Variants in CDYL observed in about 807,000 individuals in gnomAD.
CDYL encodes the protein chromodomain Y-like protein.
In CDYL, 8 loss-of-function variants were observed where a neutral mutation model predicts 47.3. The observed-to-expected ratio is 0.17, with a 90% CI of 0.10 to 0.31. The LOEUF (loss-of-function observed/expected upper bound fraction) is 0.31. Among genes scored for constraint, CDYL ranks in the 10% least tolerant of loss-of-function variants. The pLI is 1.00. For synonymous variants in CDYL, 266 were observed against 265.0 expected, an observed-to-expected ratio of 1.00 and a Z score of -0.04; for missense variants, 471 against 701.4, an observed-to-expected ratio of 0.67 and a Z score of 3.71.
intron 1 of CDYL, among the ~76,000 whole-genome samples, chr6:4,831,228 T>A (rs1760134645): frequency 6.6e-6 from 1 of 152,336 alleles, no homozygotes; most frequent in African/African-American, 2.4e-5. Flanking sequence ...CATTTAAGTC[T>A]TTAATCCATC....
intron 1 of CDYL, among the ~76,000 whole-genome samples, chr6:4,794,804 A>T (rs1561641331): frequency 6.6e-6 from 1 of 152,132 alleles, no homozygotes; most frequent in Non-Finnish European, 1.5e-5. Context: ...GGTCTCGTTG[A>T]TGGAAAAGCA....
At position 4,835,703 on chromosome 6, in the gene CDYL, A is replaced by G. The variant is rs545653048; in HGVS notation, c.25-56010A>G. The stretch of plus-strand genomic sequence containing the variant: ...TGGAGCCTACAGAGGCAGGCAGGCA[A>G]TCCTCCTTGAGCTGTGGTGGGCTCC... On this transcript the variant is annotated intron_variant, in intron 1 of 6. Transcript: ENST00000397588. 8.5e-5 allele frequency among the ~76,000 whole-genome samples: 13 copies of G among 152,256 alleles called. 1 individual carries two copies. The highest frequency in any genetic ancestry group is 3.4e-3 in the Middle Eastern group (1 of 294).
chr6:4,930,110 A>G (rs1212958427), intron 2 of CDYL, among the ~76,000 whole-genome samples: 1 of 152,162 alleles, frequency 6.6e-6, no homozygotes, highest in Non-Finnish European at 1.5e-5. Flanking sequence ...GGGTCTCTCT[A>G]CTGAATGCCT....
chr6:4,781,355 T>C (rs1758614685), intron 1 of CDYL, among the ~76,000 whole-genome samples: 1 of 152,186 alleles, frequency 6.6e-6, no homozygotes, highest in Non-Finnish European at 1.5e-5. Context: ...CAGGACACCT[T>C]TCATGGATGT....
intron 1 of CDYL, among the ~76,000 whole-genome samples, chr6:4,849,362 T>G (rs909642126): frequency 6.6e-6 from 1 of 152,214 alleles, no homozygotes; most frequent in Non-Finnish European, 1.5e-5. Context: ...AATGAGTCTT[T>G]ATGAAAACAT....
chr6:4,877,902 T>A (rs2127476438), intron 1 of CDYL, among the ~76,000 whole-genome samples: 1 of 152,356 alleles, frequency 6.6e-6, no homozygotes, highest in Admixed American at 6.5e-5. Flanking sequence ...GTGTTGTATC[T>A]ATAGATGCAT....
intron 2 of CDYL, among the ~76,000 whole-genome samples, chr6:4,926,776 T>G (rs6905856): frequency 6.6e-6 from 1 of 152,026 alleles, no homozygotes; most frequent in African/African-American, 2.4e-5. Context: ...ATGGAAACAT[T>G]GTTGATATCT....
At position 4,731,820 on chromosome 6, in the gene CDYL, C is replaced by CA. The variant is rs538861324; in HGVS notation, c.104-2930dup. 5.1e-3 allele frequency among the ~76,000 whole-genome samples: 620 copies of CA among 120,748 alleles called. 3 individuals are homozygous for CA. Among genetic ancestry groups the CA allele is most frequent in the African/African-American group, 0.013 (417 of 32,522 alleles). The allele number at this position is 120,748 out of a possible 152,430, so 79.2% of individuals were successfully genotyped here. A position where few individuals can be genotyped will look rare whatever the true frequency, so the allele number is the denominator to read the frequency against. On this transcript the variant is annotated intron_variant, in intron 2 of 8. Coordinates refer to the CDYL transcript ENST00000328908. ...TGAGTGACAGAGAAAGACTCTGTCT[C>CA]AAAAAAAAAAAAGAAATCATTGCCT...
At chr6:4,901,730 CTT>C (rs1405689162) in intron 2 of CDYL, among the ~76,000 whole-genome samples, 3 of 152,212 alleles carry the variant, frequency 2.0e-5, no homozygotes, top group African/African-American at 7.2e-5. Flanking sequence ...TTACTCAAGA[CTT>C]TCGCTTCTGT....
chr6:4,932,606 T>A (rs1341698910), intron 2 of CDYL, among the ~76,000 whole-genome samples: 1 of 152,170 alleles, frequency 6.6e-6, no homozygotes, highest in Non-Finnish European at 1.5e-5. Context: ...GTTGAGGAAC[T>A]CTTAAAGACC....
chr6:4,729,745 C>T (rs952791420), intron 2 of CDYL, among the ~76,000 whole-genome samples: 2 of 152,160 alleles, frequency 1.3e-5, no homozygotes, highest in Admixed American at 6.5e-5. Flanking sequence ...GGGTGAAATC[C>T]TGTCTCTACA....
At position 4,954,537 on chromosome 6, in the gene CDYL, T is replaced by A. The variant is rs1471316039; in HGVS notation, c.*481T>A. 6.6e-6 allele frequency: 1 copy of A among 152,670 alleles called. No homozygotes were observed. Among genetic ancestry groups the A allele is most frequent in the African/African-American group, 2.4e-5 (1 of 41,450 alleles). The allele number at this position is 152,670 out of a possible 1,614,324, so 9.5% of individuals were successfully genotyped here. On this transcript the variant is annotated 3_prime_UTR_variant, in exon 7 of 7. Transcript: ENST00000397588. The stretch of plus-strand genomic sequence containing the variant: ...ACAGAGTGATGTGAGGCGTTGGCTT[T>A]TTCTCCAAGAAGGTACAGATACCTC...
chr6:4,896,639 TGAG>T (rs1367418563), intron 2 of CDYL, among the ~76,000 whole-genome samples: 2 of 152,342 alleles, frequency 1.3e-5, no homozygotes, highest in Admixed American at 6.5e-5. Flanking sequence ...GCTTCCTGAA[TGAG>T]GAGAAGCCGC....
Position 4,739,118 on chromosome 6 carries a change from G to A in CDYL, c.186+4274G>A, listed in dbSNP as rs150207367. Among the ~76,000 whole-genome samples, 771 of 151,846 alleles carry A rather than the reference G, an allele frequency of 5.1e-3. 7 individuals carry two copies. The highest frequency in any genetic ancestry group is 0.016 in the South Asian group (78 of 4,812). ...GGAGGTTGCAGTGAGCCAAGATCAC[G>A]CCATTGCACTCCAGCCTGGGCAACA... On this transcript the variant is annotated intron_variant, in intron 3 of 8. Coordinates refer to the CDYL transcript ENST00000328908.
chr6:4,862,022 C>T (rs1761183279), intron 1 of CDYL, among the ~76,000 whole-genome samples: 1 of 152,176 alleles, frequency 6.6e-6, no homozygotes. Context: ...GACCCTGCCT[C>T]CTCCCCGACC....
chr6:4,746,607 C>A (rs143862294), intron 3 of CDYL, among the ~76,000 whole-genome samples: 2 of 152,206 alleles, frequency 1.3e-5, no homozygotes, highest in East Asian at 3.9e-4. Context: ...GGGTCAGGCC[C>A]AATGTCCAGG....
intron 2 of CDYL, among the ~76,000 whole-genome samples, chr6:4,911,588 G>C (rs561535666): frequency 6.6e-6 from 1 of 152,096 alleles, no homozygotes; most frequent in South Asian, 2.1e-4. Context: ...ACCACTTTTG[G>C]TATTGGTTCT....
In CDYL at chr6:4,896,332, C is replaced by A. The variant is rs1365773186; in HGVS notation, c.691+3953C>A. Among the ~76,000 whole-genome samples the A allele has an allele frequency of 2.6e-5, 4 of 152,338 alleles. No individual in the cohort carries two copies. The East Asian group carries it at 7.7e-4, about 29-fold the overall frequency. On this transcript the variant is annotated intron_variant, in intron 2 of 6. Coordinates refer to ENST00000397588, the MANE Select transcript of CDYL (RefSeq NM_004824.4). Reference sequence around the variant, plus strand: ...CTGTGCAGAGAAGAGCTTTGTTATACTCTGCTAGATCGTAAGCTCCAAGAA... The same window carrying A: ...CTGTGCAGAGAAGAGCTTTGTTATAATCTGCTAGATCGTAAGCTCCAAGAA...
intron 3 of CDYL, among the ~76,000 whole-genome samples, chr6:4,739,417 G>A (rs766937765): frequency 2.0e-5 from 3 of 150,610 alleles, no homozygotes; most frequent in Non-Finnish European, 4.4e-5. Flanking sequence ...TACTCAGGAG[G>A]CTGAGGCAGA....
Sources: allele counts gnomAD v4.1 joint callset (sites outside exome capture counted in the v4.1 genomes callset), GRCh38; gene constraint gnomAD v4.1.1; transcripts MANE v1.5; gene names NCBI Gene and HGNC (gene_info 2026-07-23, HGNC 2026-07-21).